ERICH1: variants seen among roughly 807,000 people sequenced by gnomAD.
The protein encoded by ERICH1 is glutamate rich 1, also known as glutamate-rich protein 1.
ERICH1 carries 56 observed loss-of-function variants against 39.6 expected under a neutral mutation model. The observed-to-expected ratio is 1.41, with a 90% CI of 1.14 to 1.77. The LOEUF is 1.77. Among genes scored for constraint, ERICH1 ranks in the 40% most tolerant of loss-of-function variants. The pLI is 0.00. For synonymous variants in ERICH1, 313 were observed against 223.6 expected (o/e 1.40, Z -3.57); for missense variants, 826 against 575.4 (o/e 1.44, Z -4.45).
At chr8:713,857 G>C (rs1815322571) in intron 2 of ERICH1, among the ~76,000 whole-genome samples, 1 of 152,180 alleles carries the variant, frequency 6.6e-6, no homozygotes, top group South Asian at 2.1e-4. Context: ...ACACGAACGA[G>C]ACCCCCAGAA....
chr8:672,781 T>C (rs1020566), intron 4 of ERICH1, among the ~76,000 whole-genome samples: 33,020 of 152,166 alleles, frequency 0.22, 3,941 homozygotes, highest in Middle Eastern at 0.4. Flanking sequence ...AACTGCACAA[T>C]AATGCATGCT....
intron 3 of ERICH1, among the ~76,000 whole-genome samples, chr8:685,657 T>A (rs1423336305): frequency 6.6e-6 from 1 of 152,216 alleles, no homozygotes; most frequent in Admixed American, 6.5e-5. Context: ...TCACAATTTA[T>A]GTTCTCTGTC....
At chr8:657,790 G>A (rs752202185) in intron 3 of ERICH1, among the ~76,000 whole-genome samples, 5 of 152,064 alleles carry the variant, frequency 3.3e-5, no homozygotes, top group Admixed American at 6.6e-5. Flanking sequence ...AATTCCTTGC[G>A]ATAATGAGAG....
At chr8:634,939 C>T (rs909694722) in intron 3 of ERICH1, among the ~76,000 whole-genome samples, 3 of 152,178 alleles carry the variant, frequency 2.0e-5, no homozygotes, top group African/African-American at 7.2e-5. Flanking sequence ...TGTGGCTGCC[C>T]TCTTGGTGCC....
chr8:630,949 C>G (rs574082722), intron 3 of ERICH1, among the ~76,000 whole-genome samples: 116 of 151,332 alleles, frequency 7.7e-4, no homozygotes, highest in African/African-American at 1.8e-3. Context: ...TGACACACAC[C>G]CTCCTGTGAG....
At chr8:704,711 G>C (rs1252733499) in intron 2 of ERICH1, among the ~76,000 whole-genome samples, 1 of 152,074 alleles carries the variant, frequency 6.6e-6, no homozygotes, top group Non-Finnish European at 1.5e-5. Flanking sequence ...AAAATCCTTA[G>C]TTTCCAAAGT....
chr8:634,183 A>AAAAACAAACAAACAAAAAACAAAG (rs1554481909), intron 3 of ERICH1, among the ~76,000 whole-genome samples: 1 of 135,808 alleles, frequency 7.4e-6, no homozygotes, highest in African/African-American at 2.9e-5. Context: ...AAAAAAAAAA[A>AAAAACAAACAAACAAAAAACAAAG]AAACAAACAA....
rs1444813898 is a variant in ERICH1 at position 647,143 on chromosome 8, G to A, written c.976+21455C>T. ...GGCCCTTGGCGCGCCCTTGGCAGCG[G>A]TTACACGCCCTGCTTTCAGAGACAC... On this transcript the variant is annotated intron_variant, in intron 3 of 3. Transcript: ENST00000522706. Among the ~76,000 whole-genome samples, 5 of 67,064 alleles carry A rather than the reference G, an allele frequency of 7.5e-5. 2 individuals are homozygous for A. The highest frequency in any genetic ancestry group is 2.3e-4 in the Non-Finnish European group (5 of 22,062). 44.0% of individuals were successfully genotyped at this position (67,064 alleles called of 152,430 possible).
At chr8:660,870 G>A (rs934154884), downstream of ERICH1, among the ~76,000 whole-genome samples, 1 of 152,178 alleles carries the variant, frequency 6.6e-6, no homozygotes, top group South Asian at 2.1e-4. Flanking sequence ...TCTCCTGGGT[G>A]GTTCTCGGGC....
At chr8:683,927 C>T (rs529267191) in intron 3 of ERICH1, among the ~76,000 whole-genome samples, 4 of 152,098 alleles carry the variant, frequency 2.6e-5, no homozygotes, top group African/African-American at 4.8e-5. Flanking sequence ...ACTTTGATAC[C>T]GAATTAATGT....
At chr8:707,955 G>A (rs776777786) in intron 2 of ERICH1, among the ~76,000 whole-genome samples, 7 of 152,060 alleles carry the variant, frequency 4.6e-5, no homozygotes. Flanking sequence ...GCAACAGAAA[G>A]ACAATCCAAT....
intron 3 of ERICH1, among the ~76,000 whole-genome samples, chr8:638,506 G>A (rs1287519366): frequency 1.3e-5 from 2 of 152,206 alleles, no homozygotes; most frequent in Admixed American, 6.5e-5. Flanking sequence ...CTTGTCAGGA[G>A]GGAACTGAGT....
exon 4 of ERICH1, chr8:614,951 G>A: frequency 5.9e-6 from 2 of 339,928 alleles, no homozygotes. Context: ...TTAGGAGAGG[G>A]ACAAACTGTG....
At chr8:626,870 G>A in intron 3 of ERICH1, 1 of 295,820 alleles carries the variant, frequency 3.4e-6, no homozygotes, top group Admixed American at 3.8e-5. Context: ...GGAGAGCTAA[G>A]GAAATGCTGG....
intron 1 of ERICH1, among the ~76,000 whole-genome samples, chr8:716,785 G>A (rs904130717): frequency 1.3e-5 from 2 of 152,100 alleles, no homozygotes; most frequent in South Asian, 4.1e-4. Context: ...CAGGGACTTG[G>A]CCTGACTGGA....
chr8:720,935 G>A (rs1817175974), intron 1 of ERICH1, among the ~76,000 whole-genome samples: 2 of 152,184 alleles, frequency 1.3e-5, no homozygotes, highest in African/African-American at 4.8e-5. Flanking sequence ...AGACGAGCAC[G>A]TCCCGCACAA....
chr8:722,670 A>G (rs767024214), intron 1 of ERICH1, among the ~76,000 whole-genome samples: 1 of 152,248 alleles, frequency 6.6e-6, no homozygotes, highest in Non-Finnish European at 1.5e-5. Context: ...AGATTAAAAT[A>G]ATGATCATTC....
At chr8:688,723 G>A (rs1003535772) in intron 3 of ERICH1, among the ~76,000 whole-genome samples, 11 of 152,170 alleles carry the variant, frequency 7.2e-5, no homozygotes, top group African/African-American at 2.2e-4. Context: ...ACAAACTGGA[G>A]GTCAAAGGAA....
intron 4 of ERICH1, chr8:671,832 C>T (rs1236720426): frequency 3.6e-5 from 6 of 165,300 alleles, no homozygotes; most frequent in South Asian, 1.3e-4. Flanking sequence ...CTGAACCTGC[C>T]GGCCCCGGCT....
Sources: allele counts gnomAD v4.1 joint callset (sites outside exome capture counted in the v4.1 genomes callset), GRCh38; gene constraint gnomAD v4.1.1; transcripts MANE v1.5; gene names NCBI Gene and HGNC (gene_info 2026-07-23, HGNC 2026-07-21).